Variants in NBR1 observed in about 807,000 individuals in gnomAD.
NBR1 encodes the protein next to BRCA1 gene 1 protein.
In NBR1, 59 loss-of-function variants were observed where a neutral mutation model predicts 115.5. The observed-to-expected ratio is 0.51, with a 90% confidence interval of 0.41 to 0.63. The LOEUF is 0.63. Ranked by LOEUF, NBR1 falls within the 30% of genes least tolerant of loss-of-function variation. The pLI is 0.00. For missense variants in NBR1, 1,043 were observed against 1,150.5 expected (o/e 0.91, Z 1.35); for synonymous variants, 373 against 414.7 (o/e 0.90, Z 1.22).
intron 1 of NBR1, among the ~76,000 whole-genome samples, chr17:43,174,448 A>G (rs60068962): frequency 6.6e-6 from 1 of 151,928 alleles, no homozygotes. Flanking sequence ...ATACAAAAAA[A>G]TTAGCCAGGC....
intron 3 of NBR1, among the ~76,000 whole-genome samples, chr17:43,179,157 G>A (rs1341780189): frequency 6.6e-6 from 1 of 152,196 alleles, no homozygotes; most frequent in African/African-American, 2.4e-5. Flanking sequence ...CCCTCTGGCT[G>A]TAGAACTCAA....
Position 43,183,586 on chromosome 17 carries a change from C to T in NBR1, c.208-2664C>T, listed in dbSNP as rs536616567. Among the ~76,000 whole-genome samples, 16 of 152,270 alleles carry T rather than the reference C, an allele frequency of 1.1e-4. No homozygotes were observed. The East Asian group carries it at 1.9e-3, about 18-fold the overall frequency. ...CAATTATGGCTTACTGCCCCCTCAA[C>T]GTCCCAGGCTCAAGCAGTTCTCCCA... On this transcript the variant is annotated intron_variant, in intron 5 of 20. Transcript: ENST00000590996.
intron 2 of NBR1, among the ~76,000 whole-genome samples, chr17:43,176,875 CT>C (rs1312502546): frequency 9.2e-5 from 14 of 152,296 alleles, no homozygotes; most frequent in African/African-American, 1.2e-4. Flanking sequence ...TCTCCCCCCC[CT>C]CATCTGTTAC....
intron 20 of NBR1, among the ~76,000 whole-genome samples, chr17:43,209,222 G>A (rs1210135687): frequency 2.6e-5 from 4 of 151,826 alleles, no homozygotes; most frequent in Non-Finnish European, 4.4e-5. Flanking sequence ...GACTACAGGC[G>A]CCTGCCACCA....
chr17:43,184,171 G>C (rs2056743094), intron 5 of NBR1, among the ~76,000 whole-genome samples: 1 of 151,490 alleles, frequency 6.6e-6, no homozygotes, highest in Non-Finnish European at 1.5e-5. Context: ...CCTACCTCAG[G>C]CTCCTGTGTA....
chr17:43,191,388 G>A lies in NBR1; in HGVS notation c.880G>A (p.Asp294Asn). Residue 294 changes from aspartate to asparagine, a missense_variant, in exon 10 of 21, where the codon GAT becomes AAT. Transcript: ENST00000590996. ...LEQVRLQKQV[D>N]KNFLKAEKQR... ...ATCTCACAGGCTCCAGAAACAGGTT[G>A]ATAAGAACTTTCTTAAAGCAGAAAA... 1.2e-6 allele frequency: 2 copies of A among 1,612,516 alleles called. No homozygotes were observed.
In NBR1 at chr17:43,189,034, T is replaced by C; in HGVS notation, c.403-8T>C. On this transcript the variant is annotated splice_region_variant and splice_polypyrimidine_tract_variant and intron_variant, in intron 6 of 20. Coordinates refer to ENST00000590996, the MANE Select transcript of NBR1 (RefSeq NM_005899.5). ...ACCTCTAACATCTCGGCTTGTGTTT[T>C]CTCCCAGTCGTTTCCACTTGTTCCA... The C allele has an allele frequency of 6.2e-7, 1 of 1,602,696 alleles. No homozygotes were observed. The highest frequency in any genetic ancestry group is 8.5e-7 in the Non-Finnish European group (1 of 1,169,622).
Position 43,209,461 on chromosome 17 carries a change from T to C in NBR1, c.2728-440T>C. 3 of 976,060 alleles carry C rather than the reference T, an allele frequency of 3.1e-6. No individual in the cohort carries two copies. The East Asian group carries it at 7.9e-5, about 26-fold the overall frequency. The allele number at this position is 976,060 out of a possible 1,614,324, so 60.5% of individuals were successfully genotyped here. A position where few individuals can be genotyped will look rare whatever the true frequency, so the allele number is the denominator to read the frequency against. ...CAAGCTGTTTTTTTTGTCCAGCTCC[T>C]CTGCATATCTGACAAAATTTCCCAT... On this transcript the variant is annotated intron_variant, in intron 20 of 20. Coordinates refer to ENST00000590996, the MANE Select transcript of NBR1 (RefSeq NM_005899.5).
intron 6 of NBR1, among the ~76,000 whole-genome samples, chr17:43,186,834 G>A (rs1308904655): frequency 1.3e-5 from 2 of 152,122 alleles, no homozygotes; most frequent in African/African-American, 2.4e-5. Context: ...CCATGTCCCT[G>A]CAAAAGACAT....
At chr17:43,176,134 AT>A (rs1181751357) in intron 2 of NBR1, 1 of 423,440 alleles carries the variant, frequency 2.4e-6, no homozygotes, top group Non-Finnish European at 4.2e-6. Flanking sequence ...GGAAGGTAAA[AT>A]TGTTTTTAGT....
In NBR1 at chr17:43,196,956, G is replaced by A; in HGVS notation, c.1876G>A (p.Val626Ile). 6.2e-7 allele frequency: 1 copy of A among 1,614,048 alleles called. No homozygotes were observed. The highest frequency in any genetic ancestry group is 8.5e-7 in the Non-Finnish European group (1 of 1,179,892). The change falls in exon 16 of 21, where the codon GTA (valine) becomes ATA (isoleucine). Residue 626 changes from valine to isoleucine, a missense_variant. Val to Ile is a conservative substitution (Grantham distance 29). Coordinates refer to ENST00000590996, the MANE Select transcript of NBR1 (RefSeq NM_005899.5). Reference protein sequence around the residue: ...FKALPDSMVSVKRKAENIASV... With the variant: ...FKALPDSMVSIKRKAENIASV... ...GTGTCTTTCAGATTCTATGGTGTCA[G>A]TAAAGAGGAAGGCTGAGAACATTGC...
At position 43,193,163 on chromosome 17, in the gene NBR1, T is replaced by TGATGGGACTC; in HGVS notation, c.1144_1153dup (p.His385ArgfsTer107). The TGATGGGACTC allele has an allele frequency of 6.2e-7, 1 of 1,613,992 alleles. No individual in the cohort carries two copies. The highest frequency in any genetic ancestry group is 8.5e-7 in the Non-Finnish European group (1 of 1,179,880). ...CAGCATTTGTGGATGAGAATTTGCCTGATGGGACTCACCTTCAGCCAGGAA... is the reference window on the plus strand; with the variant it reads ...CAGCATTTGTGGATGAGAATTTGCCTGATGGGACTCGATGGGACTCACCTTCAGCCAGGAA... On this transcript the variant is annotated frameshift_variant, in exon 11 of 21. Coordinates refer to ENST00000590996, the MANE Select transcript of NBR1 (RefSeq NM_005899.5). LOFTEE classifies it high-confidence loss of function.
intron 7 of NBR1, among the ~76,000 whole-genome samples, chr17:43,189,332 A>G (rs1172332524): frequency 6.6e-6 from 1 of 152,214 alleles, no homozygotes; most frequent in African/African-American, 2.4e-5. Context: ...TAAGCATGTA[A>G]GGGAGAGGGA....
intron 6 of NBR1, among the ~76,000 whole-genome samples, chr17:43,187,371 AG>A (rs2056835074): frequency 6.6e-6 from 1 of 151,952 alleles, no homozygotes; most frequent in Non-Finnish European, 1.5e-5. Context: ...TAGTAGAGAC[AG>A]GGTTTCACCG....
rs200155394 is a variant in NBR1 at position 43,210,003 on chromosome 17, T to C, written c.2830T>C (p.Tyr944His). 1.1e-4 allele frequency: 184 copies of C among 1,613,250 alleles called. 1 individual carries two copies. The highest frequency in any genetic ancestry group is 3.3e-4 in the Middle Eastern group (2 of 6,082). The stretch of plus-strand genomic sequence containing the variant: ...CCTACGGCTGCTGAAGAAACACAAT[T>C]ACAATATCCTGCAGGTTGTGACAGA... ...LNLRLLKKHN[Y>H]NILQVVTELL... is the part of the protein sequence containing the mutation. Residue 944 changes from tyrosine (Y) to histidine (H), a missense_variant, in exon 21 of 21, where the codon TAC becomes CAC. Physicochemically the swap from Tyr to His is moderately conservative, Grantham distance 83. Transcript: ENST00000590996.
At chr17:43,187,886 C>CTTTT (rs66857389) in intron 6 of NBR1, among the ~76,000 whole-genome samples, 3 of 58,910 alleles carry the variant, frequency 5.1e-5, no homozygotes, top group African/African-American at 1.1e-4. Flanking sequence ...TTGCATTTCT[C>CTTTT]TTTTTTTTTT....
chr17:43,173,445 A>C (rs1211124922), intron 1 of NBR1, among the ~76,000 whole-genome samples: 1 of 151,916 alleles, frequency 6.6e-6, no homozygotes, highest in Non-Finnish European at 1.5e-5. Context: ...GCGCCACTAC[A>C]CGCAGCTAAT....
intron 5 of NBR1, among the ~76,000 whole-genome samples, chr17:43,182,464 G>A (rs1389799170): frequency 3.3e-5 from 5 of 151,122 alleles, no homozygotes; most frequent in South Asian, 2.1e-4. Flanking sequence ...CAAGTGATTC[G>A]CCTGCCTTGG....
At chr17:43,203,922 C>T in intron 20 of NBR1, 136 bp downstream of exon 20, 1 of 416,022 alleles carries the variant, frequency 2.4e-6, no homozygotes, top group Admixed American at 4.0e-5. Context: ...AGTTAACACA[C>T]AACACAACTC....
Sources: gnomAD v4.1 joint callset for allele counts (sites outside exome capture counted in the v4.1 genomes callset) on GRCh38, gnomAD v4.1.1 for gene constraint, MANE v1.5 for transcripts, NCBI Gene and HGNC (gene_info 2026-07-23, HGNC 2026-07-21) for gene names.